PRKDC: variants seen among roughly 807,000 people sequenced by gnomAD.
PRKDC encodes the protein DNA-dependent protein kinase catalytic subunit.
Under a neutral mutation model 486.9 loss-of-function variants are expected in PRKDC, and 82 were observed. The observed-to-expected ratio is 0.17, with a 90% CI of 0.14 to 0.20. The LOEUF is 0.20. Ranked by LOEUF, PRKDC falls within the 10% of genes least tolerant of loss-of-function variation. The probability of loss-of-function intolerance (pLI) is 1.00; values close to 1 mark genes in which losing one functional copy is unlikely to be tolerated. For synonymous variants in PRKDC, 1,895 were observed against 1,837.0 expected, an observed-to-expected ratio of 1.03 and a Z score of -0.81; for missense variants, 4,504 against 5,038.2, an observed-to-expected ratio of 0.89 and a Z score of 3.21.
chr8:47,948,353 C>T (rs1430273988), intron 7 of PRKDC, among the ~76,000 whole-genome samples: 4 of 151,748 alleles, frequency 2.6e-5, no homozygotes, highest in Non-Finnish European at 5.9e-5. Context: ...TGTGATCTGC[C>T]CACCTCAGCC....
In PRKDC at chr8:47,888,004, C is replaced by T. The variant is rs147304214; in HGVS notation, c.4414-299G>A. ...CTGAGTAGCTGGGACTACGGGTCCG[C>T]GGCACCCACTCCTGGACAATGTTTT... On this transcript the variant is annotated intron_variant, in intron 34 of 85. Coordinates refer to ENST00000314191, the MANE Select transcript of PRKDC (RefSeq NM_006904.7). Among the ~76,000 whole-genome samples, 1,995 of 152,108 alleles carry T rather than the reference C, an allele frequency of 0.013. 20 individuals carry two copies. The highest frequency in any genetic ancestry group is 0.019 in the Non-Finnish European group (1,273 of 68,002).
At position 47,862,550 on chromosome 8, in the gene PRKDC, A is replaced by G. The variant is rs746989800; in HGVS notation, c.5751-9T>C. On this transcript the variant is annotated splice_polypyrimidine_tract_variant and intron_variant, in intron 42 of 85. Coordinates refer to ENST00000314191, the MANE Select transcript of PRKDC (RefSeq NM_006904.7). ...ATGCATCGTAGCACAATCTGCAGAG[A>G]GATCCATGTGACAAATCAATTCACA... The G allele has an allele frequency of 1.9e-6, 3 of 1,591,452 alleles. No individual in the cohort carries two copies. The highest frequency in any genetic ancestry group is 3.5e-5 in the Admixed American group (2 of 57,042).
intron 26 of PRKDC, 44 bp from the exon 27 acceptor site, chr8:47,902,839 C>T (rs763342694): frequency 2.1e-5 from 30 of 1,443,060 alleles, no homozygotes; most frequent in Non-Finnish European, 2.8e-5. Context: ...ATTTTTATAA[C>T]CACTGACAAC....
intron 54 of PRKDC, among the ~76,000 whole-genome samples, chr8:47,847,830 C>G (rs955778820): frequency 6.6e-6 from 1 of 150,676 alleles, no homozygotes. Context: ...AAAAAATGAG[C>G]AAAAGACATG....
chr8:47,942,458 G>C (rs1427006596), intron 10 of PRKDC, among the ~76,000 whole-genome samples: 1 of 152,178 alleles, frequency 6.6e-6, no homozygotes, highest in Non-Finnish European at 1.5e-5. Flanking sequence ...GGATGCCAGT[G>C]CTCTCTCTTC....
rs2154498233 is a variant in PRKDC at position 47,800,979 on chromosome 8, G to A, written c.9930C>T (p.Asn3310=). The change falls in exon 71 of 86, where the codon AAC becomes AAT. Residue 3310 remains asparagine, a synonymous_variant. Transcript: ENST00000314191. ...VLKTVSLLDE[N]NVSSYLSKNI... ...TTTTGCTTAAGTAGCTTGACACGTT[G>A]TTCTCATCTGTTGGATTAAAAAAAC... 2 of 1,613,580 alleles carry A rather than the reference G, an allele frequency of 1.2e-6. No homozygotes were observed. The highest frequency in any genetic ancestry group is 1.7e-6 in the Non-Finnish European group (2 of 1,179,742).
At chr8:47,840,831 T>C (rs2088124213) in intron 54 of PRKDC, among the ~76,000 whole-genome samples, 1 of 152,236 alleles carries the variant, frequency 6.6e-6, no homozygotes, top group Non-Finnish European at 1.5e-5. Flanking sequence ...ACTGACACAA[T>C]GCATGTTTAT....
intron 37 of PRKDC, among the ~76,000 whole-genome samples, 163 bp from the exon 38 acceptor site, chr8:47,881,683 T>C (rs1181932206): frequency 6.6e-6 from 1 of 152,238 alleles, no homozygotes; most frequent in Non-Finnish European, 1.5e-5. Flanking sequence ...ATACTATCTG[T>C]TAGGACAATA....
In PRKDC at chr8:47,862,404, T is replaced by C; in HGVS notation, c.5888A>G (p.Gln1963Arg). 6.2e-7 allele frequency: 1 copy of C among 1,613,982 alleles called. No individual in the cohort carries two copies. Among genetic ancestry groups the C allele is most frequent in the Non-Finnish European group, 8.5e-7 (1 of 1,179,872 alleles). Residue 1963 changes from glutamine (Q) to arginine (R), a missense_variant, in exon 43 of 86, where the codon CAA (glutamine) becomes CGA (arginine). By Grantham distance (43) the Gln-to-Arg change is conservative. Coordinates refer to ENST00000314191, the MANE Select transcript of PRKDC (RefSeq NM_006904.7). ...TGGTTTTTCACTAAACAGAAAACCTTGGTAAAATTTTAACTCATTGAAGAC... is the reference window on the plus strand; with the variant it reads ...TGGTTTTTCACTAAACAGAAAACCTCGGTAAAATTTTAACTCATTGAAGAC... Reference protein sequence around the residue: ...CCVFNELKFYQGFLFSEKPEK... With the variant: ...CCVFNELKFYRGFLFSEKPEK...
At chr8:47,865,211 C>A (rs1444146418) in intron 40 of PRKDC, among the ~76,000 whole-genome samples, 1 of 152,108 alleles carries the variant, frequency 6.6e-6, no homozygotes, top group Non-Finnish European at 1.5e-5. Flanking sequence ...TATGGTGAAA[C>A]CCTGTCTCTA....
intron 40 of PRKDC, among the ~76,000 whole-genome samples, chr8:47,873,677 A>G (rs2154501124): frequency 6.6e-6 from 1 of 152,352 alleles, no homozygotes; most frequent in South Asian, 2.1e-4. Flanking sequence ...CCAGCCATCA[A>G]AAAGGAATGA....
At chr8:47,891,155 C>A (rs1042870417) in intron 31 of PRKDC, among the ~76,000 whole-genome samples, 2 of 152,186 alleles carry the variant, frequency 1.3e-5, no homozygotes, top group African/African-American at 4.8e-5. Context: ...GACAGACCCA[C>A]CCTCACCTCT....
At chr8:47,837,016 G>C (rs556689411) in intron 57 of PRKDC, among the ~76,000 whole-genome samples, 196 bp downstream of exon 57, 15 of 152,272 alleles carry the variant, frequency 9.9e-5, no homozygotes, top group Middle Eastern at 3.4e-3. Flanking sequence ...TCCTGACAAG[G>C]GAAATCTAGT....
Position 47,957,332 on chromosome 8 carries a change from C to G in PRKDC, c.231+23G>C, listed in dbSNP as rs745634073. 7 of 1,594,452 alleles carry G rather than the reference C, an allele frequency of 4.4e-6. No homozygotes were observed. In the South Asian group the frequency reaches 7.9e-5, roughly 18 times the overall value. The stretch of plus-strand genomic sequence containing the variant: ...TCACTCCAGGAATATACAAGAAAAG[C>G]AAAACCAAAATTGTCAACTTACTTC... On this transcript the variant is annotated intron_variant, in intron 2 of 85. Coordinates refer to ENST00000314191, the MANE Select transcript of PRKDC (RefSeq NM_006904.7).
intron 70 of PRKDC, among the ~76,000 whole-genome samples, chr8:47,802,987 T>A (rs2087140275): frequency 6.6e-6 from 1 of 152,154 alleles, no homozygotes; most frequent in Admixed American, 6.5e-5. Flanking sequence ...TGGGGTTTCA[T>A]CACGTTGGCC....
chr8:47,885,880 A>C (rs1281331764), intron 36 of PRKDC, 64 bp downstream of exon 36: 6 of 1,514,810 alleles, frequency 4.0e-6, no homozygotes, highest in Non-Finnish European at 5.5e-6. Context: ...CGAAAGTGCA[A>C]GACTCTGTCT....
chr8:47,819,842 T>C (rs1271887549), intron 66 of PRKDC, among the ~76,000 whole-genome samples: 1 of 152,194 alleles, frequency 6.6e-6, no homozygotes, highest in Non-Finnish European at 1.5e-5. Flanking sequence ...AATTCTTTTT[T>C]TGATAAACTT....
Position 47,857,201 on chromosome 8 carries a change from C to T in PRKDC, c.6564G>A (p.Glu2188=). ...GGEGIHYMVV[E]IVATILSWTG... ...TCCATGAAAGAATAGTGGCCACTAT[C>T]TCAACCACCATGTAGTGAATTCCTT... Residue 2188 remains glutamate, a synonymous_variant, in exon 49 of 86, where the codon GAG becomes GAA. Transcript: ENST00000314191. 1 of 1,614,004 alleles carries T rather than the reference C, an allele frequency of 6.2e-7. No individual in the cohort carries two copies. The highest frequency in any genetic ancestry group is 8.5e-7 in the Non-Finnish European group (1 of 1,179,878).
chr8:47,842,223 T>C (rs1263532176), intron 54 of PRKDC, among the ~76,000 whole-genome samples: 2 of 152,096 alleles, frequency 1.3e-5, no homozygotes, highest in Non-Finnish European at 2.9e-5. Context: ...GGGGCTCCTC[T>C]AAGGCCTGGG....
Sources: gnomAD v4.1 joint callset for allele counts (sites outside exome capture counted in the v4.1 genomes callset) on GRCh38, gnomAD v4.1.1 for gene constraint, MANE v1.5 for transcripts, NCBI Gene and HGNC (gene_info 2026-07-23, HGNC 2026-07-21) for gene names.